Variants in INPP5B observed in about 807,000 individuals in gnomAD.
INPP5B encodes the protein type II inositol 1,4,5-trisphosphate 5-phosphatase.
Under a neutral mutation model 118.5 loss-of-function variants are expected in INPP5B, and 90 were observed. The observed-to-expected ratio is 0.76, with a 90% CI of 0.64 to 0.90. The LOEUF is 0.90. Among genes scored for constraint, INPP5B ranks in the 40% least tolerant of loss-of-function variants. INPP5B has a pLI of 0.00. For missense variants in INPP5B, 984 were observed against 1,125.6 expected (o/e 0.87, Z 1.80); for synonymous variants, 385 against 418.9 (o/e 0.92, Z 0.99).
Position 37,891,351 on chromosome 1 carries a change from G to A in INPP5B, c.629+7C>T, listed in dbSNP as rs774613508. 2 of 1,605,544 alleles carry A rather than the reference G, an allele frequency of 1.2e-6. No homozygotes were observed. Among genetic ancestry groups the A allele is most frequent in the South Asian group, 1.1e-5 (1 of 90,886 alleles). On this transcript the variant is annotated splice_region_variant and intron_variant, in intron 8 of 23. Transcript: ENST00000373024. ...ACAAGGGACAAGTGAAGGGAGAGTT[G>A]CATTACCTTGGTTGCAAGCTTTCTG...
intron 3 of INPP5B, among the ~76,000 whole-genome samples, chr1:37,944,403 T>C (rs1646043159): frequency 6.6e-6 from 1 of 152,006 alleles, no homozygotes; most frequent in African/African-American, 2.4e-5. Flanking sequence ...AGCACTTTCT[T>C]TTTTTTATTT....
At chr1:37,884,278 T>G (rs1643382457) in intron 13 of INPP5B, 1 of 152,204 alleles carries the variant, frequency 6.6e-6, no homozygotes, top group Admixed American at 6.5e-5. Context: ...ACTGCTGTTT[T>G]GTCATATTCT....
chr1:37,888,686 G>A (rs1192552984), intron 9 of INPP5B, among the ~76,000 whole-genome samples: 1 of 152,052 alleles, frequency 6.6e-6, no homozygotes, highest in Non-Finnish European at 1.5e-5. Context: ...AATTACTTTT[G>A]GCAAGAAAGC....
intron 13 of INPP5B, chr1:37,883,516 T>A (rs1223690614): frequency 1.0e-6 from 1 of 985,324 alleles, no homozygotes; most frequent in Non-Finnish European, 1.2e-6. Context: ...GGCTCCCTGA[T>A]GACACTGTAC....
At chr1:37,883,264 C>T (rs1262265955) in intron 13 of INPP5B, 6 of 985,314 alleles carry the variant, frequency 6.1e-6, no homozygotes, top group African/African-American at 1.7e-5. Flanking sequence ...ACGCCAATCA[C>T]CCAGAGATCC....
chr1:37,866,624 C>A, intron 20 of INPP5B, 81 bp from the exon 21 acceptor site: 2 of 839,114 alleles, frequency 2.4e-6, no homozygotes, highest in Admixed American at 1.9e-5. Flanking sequence ...ATATCAATAG[C>A]AGAATGCAAA....
chr1:37,940,392 C>T (rs2148689598), intron 6 of INPP5B, among the ~76,000 whole-genome samples: 1 of 152,322 alleles, frequency 6.6e-6, no homozygotes, highest in South Asian at 2.1e-4. Flanking sequence ...GCTGCTTAGT[C>T]TGCCAACTTG....
chr1:37,908,473 C>T lies in INPP5B; in HGVS notation c.533-17019G>A, dbSNP rs140609815. On this transcript the variant is annotated intron_variant, in intron 7 of 23. Coordinates refer to ENST00000373024, the MANE Select transcript of INPP5B (RefSeq NM_005540.3). ...GGAGACGGCCAGGTGCGGTGGCTCACGCCTGCAATCCCAGCTCTCAGGGAG... is the reference window on the plus strand; with the variant it reads ...GGAGACGGCCAGGTGCGGTGGCTCATGCCTGCAATCCCAGCTCTCAGGGAG... Among the ~76,000 whole-genome samples, 1,349 of 152,104 alleles carry T rather than the reference C, an allele frequency of 8.9e-3. 19 individuals carry two copies. Among genetic ancestry groups the T allele is most frequent in the African/African-American group, 0.031 (1,267 of 41,502 alleles).
At chr1:37,915,997 T>C (rs1019642504) in intron 7 of INPP5B, among the ~76,000 whole-genome samples, 2 of 152,242 alleles carry the variant, frequency 1.3e-5, no homozygotes, top group Admixed American at 6.5e-5. Context: ...ATAAGATCTG[T>C]TGAAGGCCCA....
At chr1:37,900,818 GT>G (rs1052343090) in intron 7 of INPP5B, among the ~76,000 whole-genome samples, 6 of 141,608 alleles carry the variant, frequency 4.2e-5, no homozygotes, top group African/African-American at 5.2e-5. Context: ...GTTTTTGTTT[GT>G]TTTTTTTTTG....
intron 16 of INPP5B, among the ~76,000 whole-genome samples, chr1:37,876,552 T>TAA (rs34854182): frequency 0.016 from 884 of 54,546 alleles, 48 homozygotes; most frequent in African/African-American, 0.045. Flanking sequence ...GCTGTCTCTT[T>TAA]AAAAAAAAAA....
intron 6 of INPP5B, among the ~76,000 whole-genome samples, chr1:37,939,231 G>A (rs1645818636): frequency 2.7e-5 from 4 of 150,684 alleles, no homozygotes; most frequent in African/African-American, 9.7e-5. Context: ...AGGCATGGTG[G>A]TGGGCGCCTG....
At chr1:37,880,685 G>A (rs746972726) in intron 14 of INPP5B, among the ~76,000 whole-genome samples, 7 of 151,378 alleles carry the variant, frequency 4.6e-5, no homozygotes, top group South Asian at 2.1e-4. Context: ...CACCCACCTC[G>A]GCCTCCCAAA....
intron 3 of INPP5B, 81 bp downstream of exon 3, chr1:37,945,675 G>A: frequency 3.2e-6 from 3 of 926,172 alleles, no homozygotes; most frequent in South Asian, 2.9e-5. Context: ...TGCCCTGGAG[G>A]GACAGTTGAA....
rs373970963 is a variant in INPP5B at position 37,946,324 on chromosome 1, G to A, written c.-16C>T. The A allele has an allele frequency of 6.2e-7, 1 of 1,609,458 alleles. No individual in the cohort carries two copies. The highest frequency in any genetic ancestry group is 8.5e-7 in the Non-Finnish European group (1 of 1,177,954). ...ACTGGTCCATGCTGGCCCCTGCTGAGCGCACACACCCTGTGGGAGGGGAGA... is the reference window on the plus strand; with the variant it reads ...ACTGGTCCATGCTGGCCCCTGCTGAACGCACACACCCTGTGGGAGGGGAGA... On this transcript the variant is annotated 5_prime_UTR_variant, in exon 2 of 24. Coordinates refer to ENST00000373024, the MANE Select transcript of INPP5B (RefSeq NM_005540.3).
At chr1:37,863,747 A>C (rs1426792605) in intron 23 of INPP5B, among the ~76,000 whole-genome samples, 1 of 151,528 alleles carries the variant, frequency 6.6e-6, no homozygotes, top group Non-Finnish European at 1.5e-5. Context: ...ACGGTATTAT[A>C]ATCTTATGGG....
At chr1:37,894,126 T>G (rs543088379) in intron 7 of INPP5B, among the ~76,000 whole-genome samples, 1 of 152,326 alleles carries the variant, frequency 6.6e-6, no homozygotes, top group East Asian at 1.9e-4. Context: ...CAAAGCATTA[T>G]TCTCTTGAAT....
chr1:37,933,447 C>T (rs932915382), intron 6 of INPP5B, among the ~76,000 whole-genome samples: 2 of 152,120 alleles, frequency 1.3e-5, no homozygotes, highest in African/African-American at 4.8e-5. Context: ...ACTCGGGAGG[C>T]TGAGGCAGGA....
At position 37,943,895 on chromosome 1, in the gene INPP5B, T is replaced by C. The variant is rs1273729089; in HGVS notation, c.153-2A>G. The C allele has an allele frequency of 1.2e-6, 2 of 1,611,062 alleles. No homozygotes were observed. The highest frequency in any genetic ancestry group is 3.3e-5 in the Admixed American group (2 of 60,002). On this transcript the variant is annotated splice_acceptor_variant, in intron 3 of 23. Transcript: ENST00000373024. LOFTEE classifies it high-confidence loss of function. ...CTCCGGTGCGTATAGAGGAAGAGAC[T>C]AAGGGCAGGAAGCAGAGGTGAGGAT... is the stretch of plus-strand genomic sequence containing the variant.
Sources: allele counts gnomAD v4.1 joint callset (sites outside exome capture counted in the v4.1 genomes callset), GRCh38; gene constraint gnomAD v4.1.1; transcripts MANE v1.5; gene names NCBI Gene and HGNC (gene_info 2026-07-23, HGNC 2026-07-21).